Variants in ITGA1 observed in about 807,000 individuals in gnomAD.
The protein encoded by ITGA1 is integrin subunit alpha 1.
A neutral mutation model predicts 145.9 loss-of-function variants in ITGA1; 85 were observed. That is an observed-to-expected ratio of 0.58 (90% CI 0.49 to 0.70). The LOEUF is 0.70. Ranked by LOEUF, ITGA1 falls within the 30% of genes least tolerant of loss-of-function variation. ITGA1 has a pLI of 0.00. For synonymous variants in ITGA1, 520 were observed against 495.3 expected (o/e 1.05, Z -0.66); for missense variants, 1,351 against 1,418.7 (o/e 0.95, Z 0.77).
intron 14 of ITGA1, among the ~76,000 whole-genome samples, chr5:52,912,711 AGTG>A (rs1383262035): frequency 1.5e-5 from 2 of 132,370 alleles, no homozygotes; most frequent in Non-Finnish European, 3.1e-5. Context: ...CTATATATAT[AGTG>A]TGTGTGTGTG....
chr5:52,846,402 T>TA (rs1315145979), intron 1 of ITGA1, among the ~76,000 whole-genome samples: 5 of 150,764 alleles, frequency 3.3e-5, no homozygotes, highest in African/African-American at 1.2e-4. Context: ...GGCTCAGCCT[T>TA]AAAAAAGAAA....
chr5:52,853,968 CTGTT>C (rs1026310178), intron 2 of ITGA1, among the ~76,000 whole-genome samples: 2 of 152,116 alleles, frequency 1.3e-5, no homozygotes, highest in African/African-American at 4.8e-5. Context: ...TGTGAGATGT[CTGTT>C]TGGGGCTTTC....
intron 1 of ITGA1, chr5:52,799,994 C>A (rs1453618364): frequency 3.8e-6 from 1 of 261,842 alleles, no homozygotes; most frequent in African/African-American, 2.3e-5. Flanking sequence ...GAGCGCCTCA[C>A]AGCTTAGTGC....
At position 52,947,377 on chromosome 5, in the gene ITGA1, G is replaced by A. The variant is rs745671167; in HGVS notation, c.3411G>A (p.Pro1137=). The A allele has an allele frequency of 4.0e-5, 64 of 1,612,776 alleles. No individual in the cohort carries two copies. The highest frequency in any genetic ancestry group is 4.8e-5 in the Non-Finnish European group (57 of 1,179,078). ...TTCAAATATCCAAAGATGGGCTACC[G>A]GGCAGAGTGCCATTATGGGTCATCC... The part of the protein sequence containing the change: ...LAIQISKDGL[P]GRVPLWVILL... The change falls in exon 28 of 29, where the codon CCG becomes CCA. Residue 1137 remains proline, a synonymous_variant. Transcript: ENST00000282588.
Position 52,952,463 on chromosome 5 carries a change from A to C in ITGA1, c.*12A>C. 1 of 1,165,248 alleles carries C rather than the reference A, an allele frequency of 8.6e-7. No homozygotes were observed. The highest frequency in any genetic ancestry group is 1.2e-6 in the Non-Finnish European group (1 of 814,084). The allele number at this position is 1,165,248 out of a possible 1,614,324, so 72.2% of individuals were successfully genotyped here. A position where few individuals can be genotyped will look rare whatever the true frequency, so the allele number is the denominator to read the frequency against. On this transcript the variant is annotated 3_prime_UTR_variant, in exon 29 of 29. Coordinates refer to ENST00000282588, the MANE Select transcript of ITGA1 (RefSeq NM_181501.2). ...AAATGGAGAAATGAAATATTTTATG[A>C]AAGAAAATAATAACAATTATTCAAT...
rs547662670 is a variant in ITGA1 at position 52,910,253 on chromosome 5, A to G, written c.1691A>G (p.Asn564Ser). The change falls in exon 14 of 29, where the codon AAT (asparagine) becomes AGT (serine). Residue 564 changes from asparagine to serine, a missense_variant. Physicochemically the swap from Asn to Ser is conservative, Grantham distance 46. Transcript: ENST00000282588. ...QHNSCTTENK[N>S]EPCGARFGTA... is the part of the protein sequence containing the mutation. ...AATTCATGCACAACAGAAAACAAAAATGAGCCATGCGGGGCTCGTTTTGGA... is the reference window on the plus strand; with the variant it reads ...AATTCATGCACAACAGAAAACAAAAGTGAGCCATGCGGGGCTCGTTTTGGA... 6.2e-7 allele frequency: 1 copy of G among 1,613,988 alleles called. No individual in the cohort carries two copies. The highest frequency in any genetic ancestry group is 2.2e-5 in the East Asian group (1 of 44,876).
At chr5:52,860,958 A>G (rs981420137) in intron 2 of ITGA1, among the ~76,000 whole-genome samples, 4 of 152,230 alleles carry the variant, frequency 2.6e-5, no homozygotes, top group African/African-American at 9.6e-5. Context: ...TCCAATGTTT[A>G]TATTTCCTGA....
At chr5:52,917,386 T>C (rs1173191305) in intron 15 of ITGA1, among the ~76,000 whole-genome samples, 1 of 152,218 alleles carries the variant, frequency 6.6e-6, no homozygotes, top group Non-Finnish European at 1.5e-5. Flanking sequence ...AATGTAAAGA[T>C]ACAATCTAGA....
intron 1 of ITGA1, among the ~76,000 whole-genome samples, chr5:52,798,653 C>A (rs1488644724): frequency 6.6e-6 from 1 of 152,054 alleles, no homozygotes; most frequent in East Asian, 1.9e-4. Context: ...CTCTGTCTGG[C>A]TTAGTCAATC....
intron 1 of ITGA1, among the ~76,000 whole-genome samples, chr5:52,825,504 C>T (rs1370888839): frequency 6.6e-6 from 1 of 152,120 alleles, no homozygotes; most frequent in Non-Finnish European, 1.5e-5. Context: ...GGAACTGTGC[C>T]TATATAAGAT....
chr5:52,855,107 G>T (rs1159519308), intron 2 of ITGA1, among the ~76,000 whole-genome samples: 1 of 152,186 alleles, frequency 6.6e-6, no homozygotes, highest in African/African-American at 2.4e-5. Context: ...GGATATCATT[G>T]TTATCATCTG....
At position 52,788,877 on chromosome 5, in the gene ITGA1, C is replaced by CT. The variant is rs576011764; in HGVS notation, c.61+469dup. Among the ~76,000 whole-genome samples the CT allele has an allele frequency of 3.2e-3, 485 of 152,044 alleles. 3 individuals are homozygous for CT. The highest frequency in any genetic ancestry group is 0.01 in the Middle Eastern group (3 of 294). On this transcript the variant is annotated intron_variant, in intron 1 of 28. Coordinates refer to ENST00000282588, the MANE Select transcript of ITGA1 (RefSeq NM_181501.2). ...ATTTTCTTGCTGTCTACTATTTAGG[C>CT]TTTTTTCCCATGCAGAACAAGAAAA...
At chr5:52,854,117 G>T (rs1200645360) in intron 2 of ITGA1, among the ~76,000 whole-genome samples, 1 of 152,062 alleles carries the variant, frequency 6.6e-6, no homozygotes, top group Admixed American at 6.6e-5. Flanking sequence ...AGATTTTCAG[G>T]ATCCACCCTT....
chr5:52,799,254 T>C (rs533829762), intron 1 of ITGA1, among the ~76,000 whole-genome samples: 4 of 152,334 alleles, frequency 2.6e-5, no homozygotes, highest in African/African-American at 9.6e-5. Flanking sequence ...TAAAGAATGC[T>C]AAGTAACTTA....
intron 1 of ITGA1, among the ~76,000 whole-genome samples, chr5:52,805,469 G>A (rs1363127522): frequency 6.6e-6 from 1 of 152,098 alleles, no homozygotes; most frequent in Non-Finnish European, 1.5e-5. Flanking sequence ...AAGTCAACAG[G>A]AAATATTAAG....
intron 26 of ITGA1, among the ~76,000 whole-genome samples, chr5:52,940,576 T>A (rs1751041273): frequency 6.6e-6 from 1 of 150,988 alleles, no homozygotes; most frequent in Non-Finnish European, 1.5e-5. Context: ...GCCCGGCTAA[T>A]TTTTTTTTGT....
At chr5:52,924,512 G>C (rs1189020092) in intron 18 of ITGA1, among the ~76,000 whole-genome samples, 2 of 152,242 alleles carry the variant, frequency 1.3e-5, no homozygotes, top group Non-Finnish European at 2.9e-5. Flanking sequence ...GGTAAAGGCA[G>C]GGGCCGGGTC....
At chr5:52,872,309 C>T (rs1001457292) in intron 6 of ITGA1, among the ~76,000 whole-genome samples, 4 of 152,080 alleles carry the variant, frequency 2.6e-5, no homozygotes, top group Non-Finnish European at 4.4e-5. Context: ...TTACAGTTTC[C>T]GAATGTGGGG....
chr5:52,858,406 C>G (rs888930784), intron 2 of ITGA1, among the ~76,000 whole-genome samples: 2 of 152,202 alleles, frequency 1.3e-5, no homozygotes, highest in African/African-American at 4.8e-5. Flanking sequence ...GCATCAAGTT[C>G]AGACCTATTC....
Sources: gnomAD v4.1 joint callset for allele counts (sites outside exome capture counted in the v4.1 genomes callset) on GRCh38, gnomAD v4.1.1 for gene constraint, MANE v1.5 for transcripts, NCBI Gene and HGNC (gene_info 2026-07-23, HGNC 2026-07-21) for gene names.